Variants in GREB1L observed in about 807,000 individuals in gnomAD.
The protein encoded by GREB1L is GREB1-like protein.
GREB1L carries 17 observed loss-of-function variants against 200.8 expected under a neutral mutation model. That is an observed-to-expected ratio of 0.08 (90% CI 0.06 to 0.13). The LOEUF (loss-of-function observed/expected upper bound fraction) is 0.13. Among genes scored for constraint, GREB1L ranks in the 10% least tolerant of loss-of-function variants. GREB1L has a pLI of 1.00. For synonymous variants in GREB1L, 789 were observed against 893.0 expected, an observed-to-expected ratio of 0.88 and a Z score of 2.08; for missense variants, 1,657 against 2,367.7, an observed-to-expected ratio of 0.70 and a Z score of 6.23.
In GREB1L at chr18:21,518,241, A is replaced by C; in HGVS notation, c.5472+7A>C. 6.4e-7 allele frequency: 1 copy of C among 1,551,162 alleles called. No individual in the cohort carries two copies. Among genetic ancestry groups the C allele is most frequent in the Non-Finnish European group, 8.7e-7 (1 of 1,146,536 alleles). On this transcript the variant is annotated splice_region_variant and intron_variant, in intron 31 of 32. Transcript: ENST00000424526. Reference sequence around the variant, plus strand: ...CCTTAACATTGGACCAGAGGTAAAAAGGGTGTGGGGGATACTGTGCTTACC... The same window carrying C: ...CCTTAACATTGGACCAGAGGTAAAACGGGTGTGGGGGATACTGTGCTTACC...
rs55641891 is a variant in GREB1L, at chr18:21,525,012, G to GTGTGTGTATATATATATATA, written c.*2192_*2193insGTGTGTATATATATATATAT. 302 of 145,174 alleles carry GTGTGTGTATATATATATATA rather than the reference G, an allele frequency of 2.1e-3. No individual in the cohort carries two copies. The highest frequency in any genetic ancestry group is 7.2e-3 in the African/African-American group (288 of 40,212). The allele number at this position is 145,174 out of a possible 1,614,324, so 9.0% of individuals were successfully genotyped here. A position where few individuals can be genotyped will look rare whatever the true frequency, so the allele number is the denominator to read the frequency against. ...AAGCACAGGACACCATGATTTGTGT[G>GTGTGTGTATATATATATATA]TATATATATATATATCCTAGTGTGT... On this transcript the variant is annotated 3_prime_UTR_variant, in exon 33 of 33. Transcript: ENST00000424526.
chr18:21,319,256 G>A (rs191101862), intron 1 of GREB1L, among the ~76,000 whole-genome samples: 237 of 152,292 alleles, frequency 1.6e-3, no homozygotes, highest in Non-Finnish European at 2.3e-3. Context: ...ATACAGAGAA[G>A]GGGAAACATA....
At chr18:21,368,739 T>C (rs2039764602) in intron 2 of GREB1L, among the ~76,000 whole-genome samples, 1 of 152,222 alleles carries the variant, frequency 6.6e-6, no homozygotes, top group South Asian at 2.1e-4. Context: ...GTTTTAAATG[T>C]ACTTCTGTTT....
At chr18:21,332,595 C>T (rs1364493166) in intron 1 of GREB1L, among the ~76,000 whole-genome samples, 7 of 152,138 alleles carry the variant, frequency 4.6e-5, no homozygotes, top group Admixed American at 3.9e-4. Flanking sequence ...CAGTCTCAGC[C>T]TCTCAAGTAG....
intron 23 of GREB1L, among the ~76,000 whole-genome samples, chr18:21,503,985 A>G (rs1202218538): frequency 6.6e-6 from 1 of 152,146 alleles, no homozygotes; most frequent in Non-Finnish European, 1.5e-5. Flanking sequence ...TCTGTCACAC[A>G]GGCTGGAGTG....
intron 1 of GREB1L, among the ~76,000 whole-genome samples, chr18:21,314,035 C>A (rs779761221): frequency 2.6e-5 from 4 of 152,184 alleles, no homozygotes; most frequent in Non-Finnish European, 5.9e-5. Flanking sequence ...AGTGGGCATT[C>A]TTTTCCCTGA....
chr18:21,521,369 C>G (rs572012980), intron 32 of GREB1L, among the ~76,000 whole-genome samples: 1 of 146,232 alleles, frequency 6.8e-6, no homozygotes, highest in Non-Finnish European at 1.5e-5. Flanking sequence ...GAAACTCCAT[C>G]TCAAAAAAAA....
At chr18:21,480,141 G>A (rs1443365528) in intron 17 of GREB1L, among the ~76,000 whole-genome samples, 3 of 152,202 alleles carry the variant, frequency 2.0e-5, no homozygotes, top group African/African-American at 2.4e-5. Context: ...ACTTGAGGTC[G>A]GGAGTTCGAG....
At chr18:21,428,876 C>T (rs2032886280) in intron 7 of GREB1L, among the ~76,000 whole-genome samples, 1 of 151,854 alleles carries the variant, frequency 6.6e-6, no homozygotes, top group African/African-American at 2.4e-5. Flanking sequence ...CGCCATCACA[C>T]CTAGCTAATT....
intron 19 of GREB1L, among the ~76,000 whole-genome samples, 188 bp from the exon 20 acceptor site, chr18:21,495,482 C>T (rs1255632068): frequency 3.3e-5 from 5 of 152,276 alleles, no homozygotes; most frequent in Middle Eastern, 3.4e-3. Flanking sequence ...CTACAGCCCT[C>T]GTTCCTTCAG....
In GREB1L at chr18:21,322,248, A is replaced by C. The variant is rs1323842852; in HGVS notation, c.-119-43779A>C. 3.3e-5 allele frequency among the ~76,000 whole-genome samples: 5 copies of C among 152,336 alleles called. No homozygotes were observed. The East Asian group carries it at 9.6e-4, about 29-fold the overall frequency. ...TTAGATTAACAAGTAAAGGAAAAAA[A>C]CAAAAAAGCTGGTATTAAATTTAAA... On this transcript the variant is annotated intron_variant, in intron 1 of 32. Transcript: ENST00000424526.
rs145804504 is a variant in GREB1L, at chr18:21,282,307, C to T, written c.-120+39914C>T. ...AAATTATGGTGAATACCTTTCATGT[C>T]GACAAATTAAATTTAGATCTATAAA... is the stretch of plus-strand genomic sequence containing the variant. On this transcript the variant is annotated intron_variant, in intron 1 of 32. Coordinates refer to ENST00000424526, the MANE Select transcript of GREB1L (RefSeq NM_001142966.3). Among the ~76,000 whole-genome samples, 897 of 152,026 alleles carry T rather than the reference C, an allele frequency of 5.9e-3. 6 individuals are homozygous for T. Among genetic ancestry groups the T allele is most frequent in the Non-Finnish European group, 9.4e-3 (636 of 67,972 alleles).
chr18:21,412,518 C>A (rs1164056500), intron 7 of GREB1L, among the ~76,000 whole-genome samples: 1 of 152,110 alleles, frequency 6.6e-6, no homozygotes, highest in Non-Finnish European at 1.5e-5. Flanking sequence ...AAAGATGATA[C>A]TGAACAAAAA....
intron 1 of GREB1L, among the ~76,000 whole-genome samples, chr18:21,319,290 G>C (rs561417880): frequency 1.9e-4 from 29 of 152,296 alleles, no homozygotes; most frequent in African/African-American, 6.7e-4. Context: ...CCAAATTGAC[G>C]AAGCCCAATC....
chr18:21,314,773 A>G (rs1368582407), intron 1 of GREB1L, among the ~76,000 whole-genome samples: 1 of 152,254 alleles, frequency 6.6e-6, no homozygotes, highest in South Asian at 2.1e-4. Flanking sequence ...GACAATATGA[A>G]AATGAATGAG....
rs1435113742 is a variant in GREB1L, at chr18:21,441,327, A to G, written c.1070-73A>G. 3 of 1,277,994 alleles carry G rather than the reference A, an allele frequency of 2.3e-6. No individual in the cohort carries two copies. The African/African-American group carries it at 4.6e-5, about 19-fold the overall frequency. The allele number at this position is 1,277,994 out of a possible 1,614,324, so 79.2% of individuals were successfully genotyped here. A position where few individuals can be genotyped will look rare whatever the true frequency, so the allele number is the denominator to read the frequency against. On this transcript the variant is annotated intron_variant, in intron 9 of 32. Transcript: ENST00000424526. The stretch of plus-strand genomic sequence containing the variant: ...TAATGCTTCTCTGTTAAAAGTATTA[A>G]AACTGCATTGCTTTCTATTGTATTT...
At chr18:21,456,624 G>T (rs1179555395) in intron 15 of GREB1L, among the ~76,000 whole-genome samples, 1 of 152,150 alleles carries the variant, frequency 6.6e-6, no homozygotes, top group Non-Finnish European at 1.5e-5. Context: ...GGAGTCCCAA[G>T]TGTCTGGTTG....
intron 4 of GREB1L, among the ~76,000 whole-genome samples, chr18:21,394,974 C>T (rs1352457865): frequency 1.4e-5 from 2 of 148,056 alleles, no homozygotes; most frequent in Non-Finnish European, 3.0e-5. Flanking sequence ...TGTGGTGGCG[C>T]ACACGCCTGT....
chr18:21,438,960 CAAAAA>C (rs59125788), intron 7 of GREB1L, among the ~76,000 whole-genome samples: 42 of 64,702 alleles, frequency 6.5e-4, no homozygotes, highest in Non-Finnish European at 1.1e-3. Context: ...GACTCTGTCT[CAAAAA>C]AAAAAAAAAA....
Sources: allele counts gnomAD v4.1 joint callset (sites outside exome capture counted in the v4.1 genomes callset), GRCh38; gene constraint gnomAD v4.1.1; transcripts MANE v1.5; gene names NCBI Gene and HGNC (gene_info 2026-07-23, HGNC 2026-07-21).